The following SRRM4 variants were observed in gnomAD, a reference collection of about 807,000 sequenced individuals.
The protein encoded by SRRM4 is serine/arginine repetitive matrix protein 4.
Under a neutral mutation model 68.9 loss-of-function variants are expected in SRRM4, and 33 were observed. The ratio of observed to expected loss-of-function variants is 0.48; its 90% CI spans 0.36 to 0.64. The LOEUF (loss-of-function observed/expected upper bound fraction) is 0.64. Ranked by LOEUF, SRRM4 falls within the 30% of genes least tolerant of loss-of-function variation. The probability of loss-of-function intolerance (pLI) is 0.00; values close to 1 mark genes in which losing one functional copy is unlikely to be tolerated. For synonymous variants in SRRM4, 318 were observed against 318.8 expected (o/e 1.00, Z 0.03); for missense variants, 817 against 827.1 (o/e 0.99, Z 0.15).
chr12:118,993,482 G>T (rs1213890162), intron 1 of SRRM4, among the ~76,000 whole-genome samples: 4 of 152,174 alleles, frequency 2.6e-5, no homozygotes, highest in African/African-American at 9.7e-5. Context: ...AAATTGAAAG[G>T]GGAACCCAGA....
intron 1 of SRRM4, among the ~76,000 whole-genome samples, chr12:119,063,755 G>A (rs893731757): frequency 3.9e-5 from 6 of 152,182 alleles, no homozygotes; most frequent in Non-Finnish European, 7.3e-5. Flanking sequence ...AATCTTGTGA[G>A]TAAGAGTAAA....
chr12:119,128,743 C>T (rs1954275980), intron 7 of SRRM4, among the ~76,000 whole-genome samples: 1 of 152,078 alleles, frequency 6.6e-6, no homozygotes, highest in Non-Finnish European at 1.5e-5. Flanking sequence ...GAGCACTTCA[C>T]CTACACCCCA....
In SRRM4 at chr12:119,159,768, G is replaced by A. The variant is rs1192077626; in HGVS notation, c.*2970G>A. On this transcript the variant is annotated 3_prime_UTR_variant, in exon 13 of 13. Coordinates refer to ENST00000267260, the MANE Select transcript of SRRM4 (RefSeq NM_194286.4). ...TCCCCTGAGATCTGAAGGCTACCTT[G>A]GGAAGAGGCATCAGCCATCTTGCTT... The A allele has an allele frequency of 6.6e-6, 1 of 152,048 alleles. No individual in the cohort carries two copies. The highest frequency in any genetic ancestry group is 1.5e-5 in the Non-Finnish European group (1 of 68,032). The allele number at this position is 152,048 out of a possible 1,614,324, so 9.4% of individuals were successfully genotyped here. A position where few individuals can be genotyped will look rare whatever the true frequency, so the allele number is the denominator to read the frequency against.
intron 9 of SRRM4, among the ~76,000 whole-genome samples, chr12:119,149,458 A>G (rs542636545): frequency 6.6e-6 from 1 of 152,360 alleles, no homozygotes; most frequent in Admixed American, 6.5e-5. Context: ...CAGGGAGCTC[A>G]ATATCTGGGA....
chr12:119,087,936 A>G (rs1190626011), intron 1 of SRRM4, among the ~76,000 whole-genome samples: 2 of 152,090 alleles, frequency 1.3e-5, no homozygotes, highest in Non-Finnish European at 2.9e-5. Context: ...CGACTCTTAC[A>G]ATACCCACCT....
intron 1 of SRRM4, among the ~76,000 whole-genome samples, chr12:119,088,664 T>C (rs1388508778): frequency 7.0e-6 from 1 of 142,812 alleles, no homozygotes; most frequent in East Asian, 2.2e-4. Flanking sequence ...TTGATTCCTT[T>C]TGGGGGGCGT....
chr12:119,074,313 T>C (rs548439815), intron 1 of SRRM4, among the ~76,000 whole-genome samples: 8 of 152,216 alleles, frequency 5.3e-5, no homozygotes, highest in African/African-American at 1.9e-4. Context: ...CTCCAAATAA[T>C]AGATGTTCTT....
chr12:118,998,526 G>T (rs1953363981), intron 1 of SRRM4, among the ~76,000 whole-genome samples: 1 of 152,176 alleles, frequency 6.6e-6, no homozygotes, highest in Non-Finnish European at 1.5e-5. Context: ...CAGATCAAGT[G>T]CTAACTATTG....
At chr12:118,986,455 G>A (rs1435873438) in intron 1 of SRRM4, among the ~76,000 whole-genome samples, 1 of 152,190 alleles carries the variant, frequency 6.6e-6, no homozygotes, top group Non-Finnish European at 1.5e-5. Flanking sequence ...CTTAGAGAAC[G>A]AGGTTGTGGT....
At chr12:119,057,228 G>A (rs763621478) in intron 1 of SRRM4, among the ~76,000 whole-genome samples, 5 of 152,022 alleles carry the variant, frequency 3.3e-5, no homozygotes, top group Admixed American at 6.6e-5. Flanking sequence ...TGCAGGATGC[G>A]CAGGTTTGTT....
At chr12:119,038,648 T>C (rs540624659) in intron 1 of SRRM4, among the ~76,000 whole-genome samples, 192 of 152,026 alleles carry the variant, frequency 1.3e-3, no homozygotes, top group African/African-American at 4.0e-3. Context: ...CTGTGTGCTC[T>C]TTTGTTTCCT....
rs536781341 is a variant in SRRM4, at chr12:119,101,656, C to T, written c.132-580C>T. On this transcript the variant is annotated intron_variant, in intron 1 of 12. Coordinates refer to ENST00000267260, the MANE Select transcript of SRRM4 (RefSeq NM_194286.4). ...GCAACTCAGAGATGTTGTGACTGGA[C>T]CCAGATACTATAGCTACTAAATAGT... 2.0e-5 allele frequency among the ~76,000 whole-genome samples: 3 copies of T among 152,070 alleles called. No homozygotes were observed. In the East Asian group the frequency reaches 5.8e-4, roughly 29 times the overall value.
chr12:119,137,742 T>C (rs1954340026), intron 8 of SRRM4, among the ~76,000 whole-genome samples: 1 of 152,176 alleles, frequency 6.6e-6, no homozygotes, highest in African/African-American at 2.4e-5. Flanking sequence ...ATTTAAAATT[T>C]TTAAAATTAA....
intron 1 of SRRM4, among the ~76,000 whole-genome samples, chr12:119,040,227 G>A (rs1381170335): frequency 6.6e-6 from 1 of 151,630 alleles, no homozygotes; most frequent in East Asian, 1.9e-4. Flanking sequence ...AATTTATTGG[G>A]GTACAGGTGG....
chr12:119,121,767 A>G (rs1954220579), intron 5 of SRRM4, among the ~76,000 whole-genome samples: 1 of 152,224 alleles, frequency 6.6e-6, no homozygotes, highest in Non-Finnish European at 1.5e-5. Context: ...CTAGACTGTA[A>G]TTAAAGTCTC....
intron 1 of SRRM4, chr12:119,001,763 G>T (rs1321788226): frequency 6.6e-6 from 1 of 152,114 alleles, no homozygotes; most frequent in East Asian, 1.9e-4. Flanking sequence ...CAGGCAGATC[G>T]CTTGAGCCCA....
chr12:119,046,915 C>T (rs930500926), intron 1 of SRRM4, among the ~76,000 whole-genome samples: 1 of 151,794 alleles, frequency 6.6e-6, no homozygotes, highest in Non-Finnish European at 1.5e-5. Context: ...ACCTGTAGTC[C>T]CAGCTACTCC....
At chr12:119,089,798 AG>A (rs1954003306) in intron 1 of SRRM4, among the ~76,000 whole-genome samples, 1 of 152,216 alleles carries the variant, frequency 6.6e-6, no homozygotes, top group Admixed American at 6.5e-5. Flanking sequence ...TATCATCATC[AG>A]TAACATTATC....
chr12:119,156,974 C>T lies in SRRM4; in HGVS notation c.*176C>T. Reference sequence around the variant, plus strand: ...GGGCTTCACTCTCTAGATCAGCCTGCTAGGAGCCTCTACCAGCATCATCCT... The same window carrying T: ...GGGCTTCACTCTCTAGATCAGCCTGTTAGGAGCCTCTACCAGCATCATCCT... On this transcript the variant is annotated 3_prime_UTR_variant, in exon 13 of 13. Transcript: ENST00000267260. 1 of 726,452 alleles carries T rather than the reference C, an allele frequency of 1.4e-6. No individual in the cohort carries two copies. The highest frequency in any genetic ancestry group is 2.0e-5 in the South Asian group (1 of 49,410). The allele number at this position is 726,452 out of a possible 1,614,324, so 45.0% of individuals were successfully genotyped here. A position where few individuals can be genotyped will look rare whatever the true frequency, so the allele number is the denominator to read the frequency against.
Sources: gnomAD v4.1 joint callset for allele counts (sites outside exome capture counted in the v4.1 genomes callset) on GRCh38, gnomAD v4.1.1 for gene constraint, MANE v1.5 for transcripts, NCBI Gene and HGNC (gene_info 2026-07-23, HGNC 2026-07-21) for gene names.